The following ZNF536 variants were observed in gnomAD, a reference collection of about 807,000 sequenced individuals.
The protein encoded by ZNF536 is zinc finger protein 536.
Under a neutral mutation model 84.5 loss-of-function variants are expected in ZNF536, and 13 were observed. The ratio of observed to expected loss-of-function variants is 0.15; its 90% CI spans 0.10 to 0.24. The LOEUF (loss-of-function observed/expected upper bound fraction) is 0.24. Among genes scored for constraint, ZNF536 ranks in the 10% least tolerant of loss-of-function variants. The probability of loss-of-function intolerance (pLI) is 1.00; values close to 1 mark genes in which losing one functional copy is unlikely to be tolerated. For synonymous variants in ZNF536, 811 were observed against 742.5 expected, an observed-to-expected ratio of 1.09 and a Z score of -1.50; for missense variants, 1,536 against 1,747.5, an observed-to-expected ratio of 0.88 and a Z score of 2.16.
At chr19:30,437,227 G>C (rs1486895844) in intron 1 of ZNF536, among the ~76,000 whole-genome samples, 1 of 152,064 alleles carries the variant, frequency 6.6e-6, no homozygotes, top group Admixed American at 6.6e-5. Context: ...GTAGCAGCTG[G>C]CATCTCTGGT....
intron 1 of ZNF536, among the ~76,000 whole-genome samples, chr19:30,261,153 C>T (rs1160260897): frequency 4.6e-5 from 7 of 150,690 alleles, no homozygotes; most frequent in East Asian, 2.0e-4. Context: ...AAAAAATTAG[C>T]CGGGCGTAGT....
intron 1 of ZNF536, among the ~76,000 whole-genome samples, chr19:30,622,527 G>T (rs753478928): frequency 6.6e-6 from 1 of 152,200 alleles, no homozygotes; most frequent in Non-Finnish European, 1.5e-5. Flanking sequence ...TGCTGGAGTC[G>T]CATAATAGAC....
chr19:30,475,342 G>A (rs968357838), intron 2 of ZNF536, among the ~76,000 whole-genome samples: 7 of 152,208 alleles, frequency 4.6e-5, no homozygotes, highest in Non-Finnish European at 5.9e-5. Context: ...GGTGGCTCAC[G>A]TCTATAATCC....
chr19:30,345,594 A>G (rs192067870), intron 2 of ZNF536, among the ~76,000 whole-genome samples: 1 of 152,326 alleles, frequency 6.6e-6, no homozygotes, highest in Non-Finnish European at 1.5e-5. Context: ...AAAGAAAAAA[A>G]TGTAGTGACT....
intron 2 of ZNF536, among the ~76,000 whole-genome samples, chr19:30,346,375 G>A (rs1224635945): frequency 2.0e-5 from 3 of 152,110 alleles, no homozygotes; most frequent in African/African-American, 7.2e-5. Flanking sequence ...GGGTACCTGT[G>A]CAGGTTTGTT....
chr19:30,693,599 A>G (rs2051517129), intron 1 of ZNF536, among the ~76,000 whole-genome samples: 1 of 152,130 alleles, frequency 6.6e-6, no homozygotes, highest in African/African-American at 2.4e-5. Context: ...AAAAAAAAGA[A>G]AGACACCTCT....
intron 1 of ZNF536, among the ~76,000 whole-genome samples, chr19:30,395,688 A>G (rs149609082): frequency 1.7e-4 from 26 of 152,342 alleles, no homozygotes; most frequent in African/African-American, 6.0e-4. Context: ...GCTGAGTCTG[A>G]GAGGCAGCAA....
chr19:30,250,348 T>A (rs918896338), intron 1 of ZNF536, among the ~76,000 whole-genome samples: 4 of 152,182 alleles, frequency 2.6e-5, no homozygotes, highest in African/African-American at 9.7e-5. Context: ...AGGGAACATA[T>A]ACATTAATAG....
intron 1 of ZNF536, among the ~76,000 whole-genome samples, chr19:30,631,406 C>T (rs2147242197): frequency 6.6e-6 from 1 of 152,324 alleles, no homozygotes; most frequent in East Asian, 1.9e-4. Flanking sequence ...GCCCAGTCTC[C>T]AGACCCGGCT....
intron 3 of ZNF536, among the ~76,000 whole-genome samples, chr19:30,540,627 GA>G (rs1263871721): frequency 6.6e-6 from 1 of 152,206 alleles, no homozygotes; most frequent in Non-Finnish European, 1.5e-5. Context: ...TCCCATCCCG[GA>G]GTTGTCCAGG....
At chr19:30,533,484 C>T (rs2044940852) in intron 2 of ZNF536, among the ~76,000 whole-genome samples, 4 of 151,122 alleles carry the variant, frequency 2.6e-5, no homozygotes, top group Admixed American at 1.3e-4. Flanking sequence ...TGTGCCACTG[C>T]ACTCTAGCTT....
At chr19:30,533,238 G>A (rs142177355) in intron 2 of ZNF536, among the ~76,000 whole-genome samples, 17 of 152,226 alleles carry the variant, frequency 1.1e-4, no homozygotes, top group East Asian at 9.7e-4. Flanking sequence ...TAAATGTCTC[G>A]GACCCAGTGT....
intron 2 of ZNF536, among the ~76,000 whole-genome samples, chr19:30,328,410 C>T (rs142725828): frequency 1.3e-5 from 2 of 152,338 alleles, no homozygotes; most frequent in East Asian, 3.9e-4. Context: ...AGAAGAGGAA[C>T]TCATGGGCCT....
rs143674599 is a variant in ZNF536, at chr19:30,327,722, G to A, written c.-119-24646G>A. Among the ~76,000 whole-genome samples the A allele has an allele frequency of 5.9e-5, 9 of 152,320 alleles. No individual in the cohort carries two copies. In the East Asian group the frequency reaches 1.5e-3, roughly 26 times the overall value. ...CACATCTCAGTCCTTCCAAGTGAAG[G>A]AAGCTCTTTTTCAGTTCTTCTCAGA... On this transcript the variant is annotated intron_variant, in intron 2 of 5. Transcript: ENST00000585628.
intron 1 of ZNF536, among the ~76,000 whole-genome samples, chr19:30,243,360 A>G (rs1342439421): frequency 6.6e-6 from 1 of 152,226 alleles, no homozygotes; most frequent in South Asian, 2.1e-4. Context: ...TCCCAAGTAC[A>G]TAATAGATAG....
chr19:30,675,037 C>A (rs1049229118), intron 1 of ZNF536, among the ~76,000 whole-genome samples: 1 of 152,170 alleles, frequency 6.6e-6, no homozygotes, highest in African/African-American at 2.4e-5. Context: ...CCAAGAGACA[C>A]AGATAACAGT....
intron 2 of ZNF536, among the ~76,000 whole-genome samples, chr19:30,499,409 CTGTGTT>C (rs2054859894): frequency 6.6e-6 from 1 of 151,886 alleles, no homozygotes; most frequent in Admixed American, 6.6e-5. Flanking sequence ...ATGTATCTAT[CTGTGTT>C]TGTGTGAACG....
rs1456510190 is a variant in ZNF536 at position 30,372,453 on chromosome 19, T to C, written c.-106T>C. 1 of 152,238 alleles carries C rather than the reference T, an allele frequency of 6.6e-6. No individual in the cohort carries two copies. Among genetic ancestry groups the C allele is most frequent in the African/African-American group, 2.4e-5 (1 of 41,470 alleles). 9.4% of individuals were successfully genotyped at this position (152,238 alleles called of 1,614,324 possible). On this transcript the variant is annotated 5_prime_UTR_variant, in exon 1 of 5. Coordinates refer to ENST00000355537, the MANE Select transcript of ZNF536 (RefSeq NM_014717.3). ...GAAGAGAGTTTCCACGTTGTCATCA[T>C]AGGATCTGGACTCAAGTGACCAAAA...
intron 2 of ZNF536, among the ~76,000 whole-genome samples, chr19:30,338,242 G>T (rs938514146): frequency 1.3e-5 from 2 of 151,664 alleles, no homozygotes; most frequent in African/African-American, 4.8e-5. Context: ...TGGTGATTAT[G>T]ACAATGATGA....
Sources: allele counts gnomAD v4.1 joint callset (sites outside exome capture counted in the v4.1 genomes callset), GRCh38; gene constraint gnomAD v4.1.1; transcripts MANE v1.5; gene names NCBI Gene and HGNC (gene_info 2026-07-23, HGNC 2026-07-21).